ZNF804B: variants seen among roughly 807,000 people sequenced by gnomAD.
ZNF804B encodes the protein zinc finger 804B.
A neutral mutation model predicts 101.4 loss-of-function variants in ZNF804B; 80 were observed. The ratio of observed to expected loss-of-function variants is 0.79; its 90% CI spans 0.66 to 0.95. The LOEUF is 0.95. Ranked by LOEUF, ZNF804B falls within the 40% of genes least tolerant of loss-of-function variation. The pLI is 0.00. For missense variants in ZNF804B, 1,673 were observed against 1,561.9 expected (o/e 1.07, Z -1.20); for synonymous variants, 622 against 558.8 (o/e 1.11, Z -1.59).
chr7:89,018,681 G>A (rs537522332), intron 1 of ZNF804B, among the ~76,000 whole-genome samples: 69 of 152,032 alleles, frequency 4.5e-4, no homozygotes, highest in Admixed American at 1.7e-3. Flanking sequence ...AGTCTTCTTA[G>A]TATTGGTCTG....
At chr7:89,285,546 A>AGAAG (rs1554389596) in intron 2 of ZNF804B, among the ~76,000 whole-genome samples, 21 of 93,442 alleles carry the variant, frequency 2.2e-4, no homozygotes, top group African/African-American at 1.0e-3. Context: ...AAAAAAAAAA[A>AGAAG]AAGAAGAAGA....
At chr7:89,257,714 A>G (rs1789655703) in intron 2 of ZNF804B, among the ~76,000 whole-genome samples, 1 of 152,160 alleles carries the variant, frequency 6.6e-6, no homozygotes, top group South Asian at 2.1e-4. Context: ...TTCACTACTC[A>G]GGTAATGAGC....
chr7:89,156,066 T>TTCTTTCTTTCTTTCTTTCTTTCTTTCTC, intron 1 of ZNF804B, among the ~76,000 whole-genome samples: 1 of 66,538 alleles, frequency 1.5e-5, no homozygotes, highest in African/African-American at 4.9e-5. Context: ...CTTTCTTTCT[T>TTCTTTCTTTCTTTCTTTCTTTCTTTCTC]TCTTTCTCTC....
intron 1 of ZNF804B, among the ~76,000 whole-genome samples, chr7:88,829,322 G>A (rs1159144675): frequency 1.3e-5 from 2 of 151,736 alleles, no homozygotes; most frequent in African/African-American, 4.8e-5. Context: ...CCATAGTTCT[G>A]GATTAATTCT....
intron 1 of ZNF804B, among the ~76,000 whole-genome samples, chr7:89,058,963 G>A (rs1243940985): frequency 7.0e-3 from 1 of 142 alleles, no homozygotes; most frequent in Admixed American, 0.062. Context: ...TAAAGTGCTA[G>A]GATTTACAGG....
chr7:89,078,213 G>A (rs377732355), intron 1 of ZNF804B, among the ~76,000 whole-genome samples: 1 of 152,016 alleles, frequency 6.6e-6, no homozygotes, highest in Non-Finnish European at 1.5e-5. Context: ...TTTCAGACTT[G>A]CTCAGTAATT....
chr7:89,092,780 A>G (rs1789914117), intron 1 of ZNF804B, among the ~76,000 whole-genome samples: 1 of 152,070 alleles, frequency 6.6e-6, no homozygotes, highest in East Asian at 1.9e-4. Context: ...TGTGATTATG[A>G]TTATTTTTGA....
intron 1 of ZNF804B, among the ~76,000 whole-genome samples, chr7:88,946,882 A>G (rs894652547): frequency 5.9e-5 from 9 of 152,006 alleles, no homozygotes; most frequent in Non-Finnish European, 1.2e-4. Flanking sequence ...TCAAAAGAAG[A>G]CATTTATGTG....
chr7:88,902,382 G>A (rs1302608194), intron 1 of ZNF804B, among the ~76,000 whole-genome samples: 1 of 151,828 alleles, frequency 6.6e-6, no homozygotes, highest in East Asian at 1.9e-4. Context: ...TCTCGTTCTA[G>A]TACATTTGCT....
intron 1 of ZNF804B, among the ~76,000 whole-genome samples, chr7:89,083,095 T>G (rs959402203): frequency 6.6e-6 from 1 of 151,832 alleles, no homozygotes; most frequent in Non-Finnish European, 1.5e-5. Flanking sequence ...AAATGCCTTT[T>G]GTAAATGCCT....
intron 1 of ZNF804B, among the ~76,000 whole-genome samples, chr7:88,808,563 A>G (rs1313109163): frequency 6.6e-6 from 1 of 152,122 alleles, no homozygotes; most frequent in African/African-American, 2.4e-5. Flanking sequence ...GGATTTAACC[A>G]TCTTCTAACT....
intron 1 of ZNF804B, among the ~76,000 whole-genome samples, chr7:88,823,334 G>A (rs1457558551): frequency 6.6e-6 from 1 of 152,160 alleles, no homozygotes; most frequent in African/African-American, 2.4e-5. Flanking sequence ...TGATCTCCAT[G>A]ATGCCTCTTG....
chr7:89,265,487 G>A (rs1466606678), intron 2 of ZNF804B, among the ~76,000 whole-genome samples: 1 of 152,170 alleles, frequency 6.6e-6, no homozygotes, highest in African/African-American at 2.4e-5. Flanking sequence ...TGTAGTTGAT[G>A]AGAGAAATTT....
Position 88,834,833 on chromosome 7 carries a change from G to T in ZNF804B, c.108+74749G>T, listed in dbSNP as rs143130157. On this transcript the variant is annotated intron_variant, in intron 1 of 3. Coordinates refer to ENST00000333190, the MANE Select transcript of ZNF804B (RefSeq NM_181646.5). ...TGGTTGCTAGAAATGTAGCTCTTGG[G>T]AAAAAATAAAAATAATACATTCTTA... Among the ~76,000 whole-genome samples the T allele has an allele frequency of 8.6e-5, 13 of 151,458 alleles. No individual in the cohort carries two copies. In the East Asian group the frequency reaches 2.3e-3, roughly 27 times the overall value.
chr7:89,054,566 A>G (rs1257843516), intron 1 of ZNF804B, among the ~76,000 whole-genome samples: 1 of 152,040 alleles, frequency 6.6e-6, no homozygotes, highest in South Asian at 2.1e-4. Flanking sequence ...AAAGAGGAAC[A>G]AGAAGTAGTA....
intron 1 of ZNF804B, among the ~76,000 whole-genome samples, chr7:88,947,208 A>C (rs753764487): frequency 6.6e-6 from 1 of 152,038 alleles, no homozygotes; most frequent in Non-Finnish European, 1.5e-5. Flanking sequence ...ATAAAGACAC[A>C]TGCACACATT....
intron 1 of ZNF804B, among the ~76,000 whole-genome samples, chr7:88,991,082 CT>C (rs1393338360): frequency 6.6e-6 from 1 of 152,074 alleles, no homozygotes; most frequent in Non-Finnish European, 1.5e-5. Context: ...AGTCAAAAAT[CT>C]GCTTAAAAAC....
intron 1 of ZNF804B, among the ~76,000 whole-genome samples, chr7:89,018,450 G>T (rs1788606251): frequency 1.4e-5 from 2 of 145,016 alleles, no homozygotes; most frequent in African/African-American, 5.3e-5. Context: ...TGCTCTTCAG[G>T]AATATTGGTC....
rs1791008715 is a variant in ZNF804B, at chr7:89,158,405, T to C, written c.109-59750T>C. Among the ~76,000 whole-genome samples the C allele has an allele frequency of 3.3e-5, 5 of 152,236 alleles. No individual in the cohort carries two copies. In the South Asian group the frequency reaches 1.0e-3, roughly 32 times the overall value. ...CCTCCACACCCATTCCCTGACCATA[T>C]CCCGTTAGCTTCATCTCTGAAATAC... On this transcript the variant is annotated intron_variant, in intron 1 of 3. Coordinates refer to ENST00000333190, the MANE Select transcript of ZNF804B (RefSeq NM_181646.5).
Sources: allele counts gnomAD v4.1 joint callset (sites outside exome capture counted in the v4.1 genomes callset), GRCh38; gene constraint gnomAD v4.1.1; transcripts MANE v1.5; gene names NCBI Gene and HGNC (gene_info 2026-07-23, HGNC 2026-07-21).